The following TRPC7 variants were observed in gnomAD, a reference collection of about 807,000 sequenced individuals.
TRPC7 encodes short transient receptor potential channel 7.
In TRPC7, 42 loss-of-function variants were observed where a neutral mutation model predicts 90.1. The ratio of observed to expected loss-of-function variants is 0.47; its 90% CI spans 0.36 to 0.60. The LOEUF (loss-of-function observed/expected upper bound fraction) is 0.60. Ranked by LOEUF, TRPC7 falls within the 20% of genes least tolerant of loss-of-function variation. The probability of loss-of-function intolerance (pLI) is 0.00; values close to 1 mark genes in which losing one functional copy is unlikely to be tolerated. For synonymous variants in TRPC7, 451 were observed against 436.3 expected (o/e 1.03, Z -0.42); for missense variants, 955 against 1,112.3 (o/e 0.86, Z 2.01).
chr5:136,350,285 A>G (rs532774986), intron 2 of TRPC7, among the ~76,000 whole-genome samples: 45 of 152,306 alleles, frequency 3.0e-4, no homozygotes, highest in African/African-American at 9.6e-4. Context: ...TTCCAGGGCC[A>G]ACCTCCTCGC....
rs368112490 is a variant in TRPC7, at chr5:136,359,851, A to C, written c.3-2466T>G. On this transcript the variant is annotated intron_variant, in intron 1 of 11. Coordinates refer to ENST00000513104, the MANE Select transcript of TRPC7 (RefSeq NM_020389.3). The stretch of plus-strand genomic sequence containing the variant: ...AATAATCTTTTTCATGGAAGTACTC[A>C]GCCTGTCCTACAATAGGCTTCTACT... 1.4e-4 allele frequency among the ~76,000 whole-genome samples: 22 copies of C among 152,248 alleles called. No homozygotes were observed. In the East Asian group the frequency reaches 3.3e-3, roughly 23 times the overall value.
At chr5:136,344,413 A>T (rs954637369) in intron 2 of TRPC7, among the ~76,000 whole-genome samples, 21 of 152,236 alleles carry the variant, frequency 1.4e-4, no homozygotes, top group Admixed American at 6.5e-5. Flanking sequence ...AAATATGCAC[A>T]TGTATCCCTG....
In TRPC7 at chr5:136,247,563, G is replaced by T; in HGVS notation, c.1752C>A (p.Val584=). ...AGGCCACAAATACCATGATGAAAAT[G>T]ACCATGAACTTGAAGATATCTTTCA... ...RTVKDIFKFM[V]IFIMVFVAFM... The change falls in exon 7 of 12, where the codon GTC becomes GTA. Residue 584 remains valine (V), a synonymous_variant. Transcript: ENST00000513104. The surrounding 1 kb of genome is among the most constrained non-coding windows in gnomAD (Gnocchi z 4.2). 1 of 1,613,964 alleles carries T rather than the reference G, an allele frequency of 6.2e-7. No homozygotes were observed. Among genetic ancestry groups the T allele is most frequent in the South Asian group, 1.1e-5 (1 of 91,058 alleles).
chr5:136,212,913 A>G lies in TRPC7; in HGVS notation c.*522T>C, dbSNP rs1379086097. On this transcript the variant is annotated 3_prime_UTR_variant, in exon 12 of 12. Coordinates refer to ENST00000513104, the MANE Select transcript of TRPC7 (RefSeq NM_020389.3). Reference sequence around the variant, plus strand: ...ATTTTTAAACTTTTTTTTTATATAAACAAATAGAACTATTTTGCTATTAGG... The same window carrying G: ...ATTTTTAAACTTTTTTTTTATATAAGCAAATAGAACTATTTTGCTATTAGG... Among the ~76,000 whole-genome samples, 3 of 152,222 alleles carry G rather than the reference A, an allele frequency of 2.0e-5. No individual in the cohort carries two copies. Among genetic ancestry groups the G allele is most frequent in the Non-Finnish European group, 2.9e-5 (2 of 68,044 alleles).
At chr5:136,358,115 C>A (rs78298164) in intron 1 of TRPC7, among the ~76,000 whole-genome samples, 2 of 152,156 alleles carry the variant, frequency 1.3e-5, no homozygotes, top group Non-Finnish European at 1.5e-5. Flanking sequence ...ACCTAGGCAC[C>A]TATTAAAGGG....
chr5:136,263,426 A>C (rs1244533230), intron 5 of TRPC7, among the ~76,000 whole-genome samples: 1 of 152,234 alleles, frequency 6.6e-6, no homozygotes. Flanking sequence ...CAACCAAAAA[A>C]TTACCAAACA....
At chr5:136,312,497 A>G (rs114003366) in intron 3 of TRPC7, among the ~76,000 whole-genome samples, 1 of 152,028 alleles carries the variant, frequency 6.6e-6, no homozygotes, top group Non-Finnish European at 1.5e-5. Flanking sequence ...CACACACACA[A>G]AAAAAAACCT....
At chr5:136,251,593 C>G in intron 6 of TRPC7, 56 bp downstream of exon 6, 1 of 1,378,592 alleles carries the variant, frequency 7.3e-7, no homozygotes, top group Non-Finnish European at 1.0e-6. Flanking sequence ...AGTGAAGCAC[C>G]AGGCCCACGT....
chr5:136,357,034 A>G lies in TRPC7; in HGVS notation c.354T>C (p.Tyr118=), dbSNP rs1352767790. 1.2e-6 allele frequency: 2 copies of G among 1,613,272 alleles called. No homozygotes were observed. The highest frequency in any genetic ancestry group is 2.2e-5 in the East Asian group (1 of 44,884). Residue 118 remains tyrosine, a synonymous_variant, in exon 2 of 12, where the codon TAT becomes TAC. Transcript: ENST00000513104. The stretch of plus-strand genomic sequence containing the variant: ...TGAGGATGGCCTCCACGATGCGCAC[A>G]TAGCCCTTGCTGATGGCCAGCAGCA... ...DALLLAISKG[Y]VRIVEAILNH...
intron 2 of TRPC7, among the ~76,000 whole-genome samples, chr5:136,321,252 ACT>A (rs1759188069): frequency 1.3e-5 from 2 of 151,924 alleles, no homozygotes; most frequent in Admixed American, 6.6e-5. Flanking sequence ...AATTGTGCTG[ACT>A]CTCAACTAAC....
chr5:136,320,834 T>C (rs1218919113), intron 2 of TRPC7, among the ~76,000 whole-genome samples: 1 of 152,174 alleles, frequency 6.6e-6, no homozygotes, highest in Non-Finnish European at 1.5e-5. Flanking sequence ...TGACTATCTT[T>C]TTAAAAAAGT....
intron 2 of TRPC7, among the ~76,000 whole-genome samples, chr5:136,325,226 C>T (rs1405204535): frequency 6.6e-6 from 1 of 152,152 alleles, no homozygotes; most frequent in African/African-American, 2.4e-5. Context: ...AATTGGAAGT[C>T]GTTGATCACC....
At chr5:136,332,553 C>T (rs1045833563) in intron 2 of TRPC7, among the ~76,000 whole-genome samples, 1 of 152,040 alleles carries the variant, frequency 6.6e-6, no homozygotes, top group Admixed American at 6.6e-5. Flanking sequence ...GAGAGACAAA[C>T]GTGACTTGGA....
chr5:136,338,226 G>T (rs1034237560), intron 2 of TRPC7, among the ~76,000 whole-genome samples: 2 of 152,162 alleles, frequency 1.3e-5, no homozygotes, highest in African/African-American at 4.8e-5. Flanking sequence ...CGTAAAAGAC[G>T]ATCACACTAC....
At position 136,270,129 on chromosome 5, in the gene TRPC7, C is replaced by T. The variant is rs73791941; in HGVS notation, c.1129-3693G>A. Among the ~76,000 whole-genome samples, 639 of 152,200 alleles carry T rather than the reference C, an allele frequency of 4.2e-3. 8 individuals are homozygous for T. Among genetic ancestry groups the T allele is most frequent in the African/African-American group, 0.015 (612 of 41,530 alleles). ...CAGCAGCTAAGATGTTTATGTTAGGCGTTGAAGGTTGTAATGGTGCTCGTG... is the reference window on the plus strand; with the variant it reads ...CAGCAGCTAAGATGTTTATGTTAGGTGTTGAAGGTTGTAATGGTGCTCGTG... On this transcript the variant is annotated intron_variant, in intron 4 of 11. Transcript: ENST00000513104.
intron 3 of TRPC7, among the ~76,000 whole-genome samples, chr5:136,312,392 C>T (rs1002058065): frequency 6.6e-6 from 1 of 152,182 alleles, no homozygotes; most frequent in Admixed American, 6.5e-5. Flanking sequence ...GGAGTCATCA[C>T]TGAATGACAG....
intron 7 of TRPC7, among the ~76,000 whole-genome samples, chr5:136,237,208 C>T (rs1756008852): frequency 6.6e-6 from 1 of 152,158 alleles, no homozygotes; most frequent in South Asian, 2.1e-4. Context: ...CCTCTGAGTT[C>T]TACCTTGGGT....
chr5:136,244,440 A>G (rs1175023660), intron 7 of TRPC7, among the ~76,000 whole-genome samples: 2 of 152,074 alleles, frequency 1.3e-5, no homozygotes. Context: ...TGCAGAGAAT[A>G]CTCTGGGCAG....
chr5:136,244,107 A>G (rs1332553087), intron 7 of TRPC7, among the ~76,000 whole-genome samples: 2 of 151,750 alleles, frequency 1.3e-5, no homozygotes, highest in Non-Finnish European at 2.9e-5. Context: ...CCTACTCTAA[A>G]GTCATAATCT....
Sources: allele counts gnomAD v4.1 joint callset (sites outside exome capture counted in the v4.1 genomes callset), GRCh38; gene constraint gnomAD v4.1.1; non-coding constraint Gnocchi (gnomAD v3.1); transcripts MANE v1.5; gene names NCBI Gene and HGNC (gene_info 2026-07-23, HGNC 2026-07-21).